Variants in LRRC4B observed in about 807,000 individuals in gnomAD.
The protein encoded by LRRC4B is leucine rich repeat containing 4B.
A neutral mutation model predicts 7.3 loss-of-function variants in LRRC4B; 1 was observed. That is an observed-to-expected ratio of 0.14 (90% CI 0.05 to 0.65). The LOEUF (loss-of-function observed/expected upper bound fraction) is 0.65, where lower values mean the gene tolerates loss of function less well. LRRC4B is among the 30% of genes least tolerant of loss of function. The pLI is 0.84. For synonymous variants in LRRC4B, 500 were observed against 499.2 expected, an observed-to-expected ratio of 1.00 and a Z score of -0.02; for missense variants, 730 against 1,041.6, an observed-to-expected ratio of 0.70 and a Z score of 4.12.
rs1260984233 is a variant in LRRC4B at position 50,517,527 on chromosome 19, T to G, written c.*44A>C. ...GTCAGGCTGCGCCCGGGCTGGGACC[T>G]GGGTGGGGGGCTCCACGCCCCTCGC... On this transcript the variant is annotated 3_prime_UTR_variant, in exon 3 of 3. Coordinates refer to ENST00000652263, the MANE Select transcript of LRRC4B (RefSeq NM_001080457.2). The surrounding 1 kb of genome is among the most constrained non-coding windows in gnomAD (Gnocchi z 6.6). The G allele has an allele frequency of 1.1e-5, 15 of 1,377,530 alleles. No homozygotes were observed. The highest frequency in any genetic ancestry group is 1.4e-5 in the Non-Finnish European group (15 of 1,065,276). The allele number at this position is 1,377,530 out of a possible 1,614,324, so 85.3% of individuals were successfully genotyped here. A position where few individuals can be genotyped will look rare whatever the true frequency, so the allele number is the denominator to read the frequency against.
Position 50,548,496 on chromosome 19 carries a change from C to T in LRRC4B, c.297+46G>A. 1 of 1,553,466 alleles carries T rather than the reference C, an allele frequency of 6.4e-7. No homozygotes were observed. The highest frequency in any genetic ancestry group is 8.6e-7 in the Non-Finnish European group (1 of 1,156,870). On this transcript the variant is annotated intron_variant, in intron 2 of 2. Coordinates refer to ENST00000652263, the MANE Select transcript of LRRC4B (RefSeq NM_001080457.2). The surrounding 1 kb of genome is among the most constrained non-coding windows in gnomAD (Gnocchi z 6.8). Reference sequence around the variant, plus strand: ...GGATGGGCTACATCTGCATGCCTCCCCAGTGTCCCCTCCAAGGTCCCCCTC... The same window carrying T: ...GGATGGGCTACATCTGCATGCCTCCTCAGTGTCCCCTCCAAGGTCCCCCTC...
intron 2 of LRRC4B, among the ~76,000 whole-genome samples, chr19:50,525,728 C>G (rs927975351): frequency 1.3e-5 from 2 of 151,972 alleles, no homozygotes; most frequent in African/African-American, 4.8e-5. Flanking sequence ...CAAGAACTGT[C>G]TGACTGCATC....
At chr19:50,544,237 T>C in intron 2 of LRRC4B, among the ~76,000 whole-genome samples, 1 of 151,622 alleles carries the variant, frequency 6.6e-6, no homozygotes, top group East Asian at 1.9e-4. Flanking sequence ...CCGGGCGCAG[T>C]GGCTCATGCC....
At position 50,548,505 on chromosome 19, in the gene LRRC4B, C is replaced by A; in HGVS notation, c.297+37G>T. 6.4e-7 allele frequency: 1 copy of A among 1,562,000 alleles called. No individual in the cohort carries two copies. Among genetic ancestry groups the A allele is most frequent in the East Asian group, 2.3e-5 (1 of 42,964 alleles). ...ACATCTGCATGCCTCCCCAGTGTCC[C>A]CTCCAAGGTCCCCCTCTGCCCGCTG... On this transcript the variant is annotated intron_variant, in intron 2 of 2. Coordinates refer to ENST00000652263, the MANE Select transcript of LRRC4B (RefSeq NM_001080457.2). The surrounding 1 kb of genome is among the most constrained non-coding windows in gnomAD (Gnocchi z 6.8).
Position 50,543,916 on chromosome 19 carries a change from A to C in LRRC4B, c.297+4626T>G, listed in dbSNP as rs561467399. Among the ~76,000 whole-genome samples, 3 of 151,940 alleles carry C rather than the reference A, an allele frequency of 2.0e-5. No individual in the cohort carries two copies. In the East Asian group the frequency reaches 5.8e-4, roughly 29 times the overall value. On this transcript the variant is annotated intron_variant, in intron 2 of 2. Transcript: ENST00000652263. ...AAAAAGAAGGGCCTGGTTAAATAACAGGATGCTGGCTGGGTGTGGTGGCTT... is the reference window on the plus strand; with the variant it reads ...AAAAAGAAGGGCCTGGTTAAATAACCGGATGCTGGCTGGGTGTGGTGGCTT...
Position 50,517,190 on chromosome 19 carries a change from T to G in LRRC4B, c.*381A>C. 2 of 168,030 alleles carry G rather than the reference T, an allele frequency of 1.2e-5. No individual in the cohort carries two copies. Among genetic ancestry groups the G allele is most frequent in the Admixed American group, 6.4e-5 (1 of 15,658 alleles). 10.4% of individuals were successfully genotyped at this position (168,030 alleles called of 1,614,324 possible). A position where few individuals can be genotyped will look rare whatever the true frequency, so the allele number is the denominator to read the frequency against. The stretch of plus-strand genomic sequence containing the variant: ...CAAAAACTGAACCGTAAAAGGAAGG[T>G]GTTTGGGGCCGAGGGGAAAGGACAC... On this transcript the variant is annotated 3_prime_UTR_variant, in exon 3 of 3. Coordinates refer to ENST00000652263, the MANE Select transcript of LRRC4B (RefSeq NM_001080457.2). This position sits in a 1 kb window ranked among gnomAD's most constrained non-coding sequence, Gnocchi z 6.6.
chr19:50,522,587 C>T (rs1043082531), intron 2 of LRRC4B, among the ~76,000 whole-genome samples: 1 of 152,154 alleles, frequency 6.6e-6, no homozygotes, highest in African/African-American at 2.4e-5. Context: ...AGTGATTCTC[C>T]TGCCTCAGCC....
At chr19:50,561,310 C>A (rs940790977) in intron 1 of LRRC4B, among the ~76,000 whole-genome samples, 1 of 152,110 alleles carries the variant, frequency 6.6e-6, no homozygotes, top group Non-Finnish European at 1.5e-5. Context: ...CTACAACCCC[C>A]ACGTCGGTGA....
At chr19:50,544,289 G>A (rs1422909399) in intron 2 of LRRC4B, among the ~76,000 whole-genome samples, 3 of 151,702 alleles carry the variant, frequency 2.0e-5, no homozygotes, top group Admixed American at 6.6e-5. Context: ...GGCAGATCAC[G>A]AAGTCAGGAG....
intron 2 of LRRC4B, among the ~76,000 whole-genome samples, chr19:50,533,778 G>T (rs1453223191): frequency 6.6e-6 from 1 of 152,188 alleles, no homozygotes; most frequent in Non-Finnish European, 1.5e-5. Context: ...GTCACATGGG[G>T]GTTATCAAGC....
chr19:50,549,041 G>A (rs1981943551), intron 1 of LRRC4B, among the ~76,000 whole-genome samples, 168 bp from the exon 2 acceptor site: 1 of 152,126 alleles, frequency 6.6e-6, no homozygotes, highest in African/African-American at 2.4e-5. Flanking sequence ...AGCAGGCTGG[G>A]GCAGGCAGAG....
intron 1 of LRRC4B, among the ~76,000 whole-genome samples, chr19:50,565,541 G>A (rs1332899825): frequency 6.6e-6 from 1 of 151,680 alleles, no homozygotes; most frequent in Non-Finnish European, 1.5e-5. Flanking sequence ...GTGTGTGTGT[G>A]TGTGTGTGTG....
chr19:50,520,366 A>T (rs1345251775), intron 2 of LRRC4B, among the ~76,000 whole-genome samples: 1 of 151,994 alleles, frequency 6.6e-6, no homozygotes, highest in Non-Finnish European at 1.5e-5. Context: ...ATGGTGGCTA[A>T]TGCCTGTAAT....
chr19:50,565,858 T>G (rs1281430803), intron 1 of LRRC4B, among the ~76,000 whole-genome samples: 1 of 151,974 alleles, frequency 6.6e-6, no homozygotes, highest in African/African-American at 2.4e-5. Context: ...TTTCGGAAAT[T>G]AAGTGAGTAA....
chr19:50,554,792 C>T (rs1982215711), intron 1 of LRRC4B, among the ~76,000 whole-genome samples: 1 of 152,236 alleles, frequency 6.6e-6, no homozygotes, highest in Non-Finnish European at 1.5e-5. Flanking sequence ...GCTAGCAAAG[C>T]TGAGACACAC....
chr19:50,540,271 A>AAGGAGGTGAGC (rs1235523584), intron 2 of LRRC4B, among the ~76,000 whole-genome samples: 2 of 152,196 alleles, frequency 1.3e-5, no homozygotes, highest in Admixed American at 1.3e-4. Flanking sequence ...GGCTGCACAG[A>AAGGAGGTGAGC]AGGAGGTGAG....
In LRRC4B at chr19:50,563,379, C is replaced by T. The variant is rs1447812452; in HGVS notation, c.-36+4565G>A. The stretch of plus-strand genomic sequence containing the variant: ...CCAGTGGGGACAAAGGGTCTCCAAA[C>T]TCAGAGTTAATGAGGTTTCCCGTAC... On this transcript the variant is annotated intron_variant, in intron 1 of 2. Coordinates refer to ENST00000652263, the MANE Select transcript of LRRC4B (RefSeq NM_001080457.2). This position sits in a 1 kb window ranked among gnomAD's most constrained non-coding sequence, Gnocchi z 4.9. 1.3e-5 allele frequency among the ~76,000 whole-genome samples: 2 copies of T among 152,178 alleles called. No individual in the cohort carries two copies. Among genetic ancestry groups the T allele is most frequent in the Admixed American group, 6.5e-5 (1 of 15,284 alleles).
rs111967779 is a variant in LRRC4B, at chr19:50,563,990, G to T, written c.-36+3954C>A. Among the ~76,000 whole-genome samples, 136 of 152,310 alleles carry T rather than the reference G, an allele frequency of 8.9e-4. 1 individual carries two copies. Among genetic ancestry groups the T allele is most frequent in the African/African-American group, 3.1e-3 (128 of 41,570 alleles). On this transcript the variant is annotated intron_variant, in intron 1 of 2. Transcript: ENST00000652263. This position sits in a 1 kb window ranked among gnomAD's most constrained non-coding sequence, Gnocchi z 4.9. Reference sequence around the variant, plus strand: ...GGGGGGATGAAGGAGGAGGGGCAGAGAGAGGACCCGGCAAGGGAAACCAAG... The same window carrying T: ...GGGGGGATGAAGGAGGAGGGGCAGATAGAGGACCCGGCAAGGGAAACCAAG...
chr19:50,532,193 A>G (rs1981087837), intron 2 of LRRC4B, among the ~76,000 whole-genome samples: 1 of 152,078 alleles, frequency 6.6e-6, no homozygotes, highest in African/African-American at 2.4e-5. Context: ...CTGAAATTGC[A>G]CCACTGCACT....
Sources: gnomAD v4.1 joint callset for allele counts (sites outside exome capture counted in the v4.1 genomes callset) on GRCh38, gnomAD v4.1.1 for gene constraint, Gnocchi (gnomAD v3.1) non-coding constraint, MANE v1.5 for transcripts, NCBI Gene and HGNC (gene_info 2026-07-23, HGNC 2026-07-21) for gene names.